MAP3K3: variants seen among roughly 807,000 people sequenced by gnomAD.
The protein encoded by MAP3K3 is mitogen-activated protein kinase kinase kinase 3, also known as MAP/ERK kinase kinase 3.
A neutral mutation model predicts 80.9 loss-of-function variants in MAP3K3; 12 were observed. That is an observed-to-expected ratio of 0.15 (90% CI 0.10 to 0.24). The LOEUF (loss-of-function observed/expected upper bound fraction) is 0.24, where lower values mean the gene tolerates loss of function less well. MAP3K3 is among the 10% of genes least tolerant of loss of function. The pLI, the probability that MAP3K3 is intolerant of heterozygous loss-of-function variation, is 1.00. For synonymous variants in MAP3K3, 272 were observed against 307.1 expected (o/e 0.89, Z 1.19); for missense variants, 596 against 834.7 (o/e 0.71, Z 3.52).
At chr17:63,645,195 C>T (rs1352235305) in intron 2 of MAP3K3, among the ~76,000 whole-genome samples, 3 of 152,078 alleles carry the variant, frequency 2.0e-5, no homozygotes, top group Admixed American at 6.5e-5. Context: ...TGATAGACCT[C>T]GGGAGGCCGA....
intron 6 of MAP3K3, among the ~76,000 whole-genome samples, chr17:63,680,069 T>C (rs1335406898): frequency 2.0e-5 from 3 of 152,194 alleles, no homozygotes; most frequent in African/African-American, 4.8e-5. Flanking sequence ...GGTACTTCCC[T>C]AGGTCTCCAG....
intron 2 of MAP3K3, chr17:63,637,239 GT>G (rs2034348760): frequency 4.8e-6 from 1 of 208,088 alleles, no homozygotes; most frequent in East Asian, 1.1e-4. Context: ...TCATAGAGTT[GT>G]TACTCATCTA....
At chr17:63,645,967 A>G (rs1323391019) in intron 2 of MAP3K3, 67 bp from the exon 3 acceptor site, 2 of 1,308,196 alleles carry the variant, frequency 1.5e-6, no homozygotes, top group Non-Finnish European at 2.2e-6. Context: ...CCCAAGGCTT[A>G]CTTGGCAATG....
At chr17:63,679,884 G>T (rs1007897443) in intron 6 of MAP3K3, among the ~76,000 whole-genome samples, 3 of 152,090 alleles carry the variant, frequency 2.0e-5, no homozygotes, top group Admixed American at 1.3e-4. Context: ...ATCTAAAACT[G>T]GTCTGGACTA....
chr17:63,676,604 C>T (rs979464029), intron 6 of MAP3K3, among the ~76,000 whole-genome samples: 7 of 152,212 alleles, frequency 4.6e-5, no homozygotes, highest in Non-Finnish European at 7.3e-5. Context: ...GGAGAACCCA[C>T]TGTAGCTAGT....
rs139987812 is a variant in MAP3K3, at chr17:63,661,091, C to T, written c.381+3184C>T. ...TTTTTTTTATTTTGAGGCACAGTTT[C>T]ACTCTGTCACCCAGGTACGATCTCA... On this transcript the variant is annotated intron_variant, in intron 5 of 15. Transcript: ENST00000361733. 5.4e-3 allele frequency among the ~76,000 whole-genome samples: 822 copies of T among 152,202 alleles called. 5 individuals are homozygous for T. The highest frequency in any genetic ancestry group is 0.018 in the African/African-American group (751 of 41,526).
chr17:63,693,810 T>C lies in MAP3K3; in HGVS notation c.*33T>C. ...CGGCCACACAGCTGCCGGTCGCCCT[T>C]TGCTGCATGGCAGGGGGCTGCTGCT... On this transcript the variant is annotated 3_prime_UTR_variant, in exon 16 of 16. Coordinates refer to ENST00000361733, the MANE Select transcript of MAP3K3 (RefSeq NM_002401.5). This position sits in a 1 kb window ranked among gnomAD's most constrained non-coding sequence, Gnocchi z 4.2. 6.4e-7 allele frequency: 1 copy of C among 1,555,374 alleles called. No homozygotes were observed. The highest frequency in any genetic ancestry group is 8.8e-7 in the Non-Finnish European group (1 of 1,139,014).
intron 6 of MAP3K3, among the ~76,000 whole-genome samples, chr17:63,679,740 G>A (rs2035292639): frequency 6.6e-6 from 1 of 152,094 alleles, no homozygotes; most frequent in Non-Finnish European, 1.5e-5. Flanking sequence ...TCGAAGTGTC[G>A]GGATAATAGG....
chr17:63,693,618 C>T lies in MAP3K3; in HGVS notation c.1722C>T (p.Ala574=), dbSNP rs754221571. ...KPPWAEYEAM[A]AIFKIATQPT... ...CGTGGGCAGAGTATGAAGCTATGGC[C>T]GCCATCTTCAAGATTGCCACCCAGC... The change falls in exon 16 of 16, where the codon GCC becomes GCT. Residue 574 remains alanine (A), a synonymous_variant. Transcript: ENST00000361733. This position sits in a 1 kb window ranked among gnomAD's most constrained non-coding sequence, Gnocchi z 4.2. 1.6e-5 allele frequency: 26 copies of T among 1,610,340 alleles called. No homozygotes were observed. In the South Asian group the frequency reaches 1.9e-4, roughly 12 times the overall value.
chr17:63,623,797 T>TAAA, intron 1 of MAP3K3, among the ~76,000 whole-genome samples: 1 of 152,342 alleles, frequency 6.6e-6, no homozygotes, highest in African/African-American at 2.4e-5. Context: ...AATAAAAGGG[T>TAAA]AAACTTCAGT....
intron 1 of MAP3K3, 116 bp from the exon 2 acceptor site, chr17:63,632,565 C>T: frequency 8.7e-7 from 1 of 1,146,920 alleles, no homozygotes; most frequent in Non-Finnish European, 1.3e-6. Context: ...ATTATAGTTA[C>T]AGGGTCTGTC....
intron 4 of MAP3K3, among the ~76,000 whole-genome samples, chr17:63,655,488 G>GTTTTGT (rs1337318273): frequency 1.3e-5 from 2 of 152,138 alleles, no homozygotes; most frequent in Admixed American, 6.6e-5. Context: ...GTCACTGTGA[G>GTTTTGT]TTTTGTTTTT....
Position 63,652,577 on chromosome 17 carries a change from C to G in MAP3K3, c.188C>G (p.Pro63Arg). The G allele has an allele frequency of 1.2e-6, 2 of 1,613,686 alleles. No homozygotes were observed. Among genetic ancestry groups the G allele is most frequent in the Non-Finnish European group, 1.7e-6 (2 of 1,179,594 alleles). Reference sequence around the variant, plus strand: ...TTCAGAATTATAGCGTTCAGCCGGCCTGTGAAATATGAAGATGTGGAGCAC... The same window carrying G: ...TTCAGAATTATAGCGTTCAGCCGGCGTGTGAAATATGAAGATGTGGAGCAC... ...GERRIIAFSRPVKYEDVEHKV... is the reference protein window; with the variant it reads ...GERRIIAFSRRVKYEDVEHKV... The change falls in exon 4 of 16, where the codon CCT becomes CGT. Residue 63 changes from proline to arginine, a missense_variant. Transcript: ENST00000361733.
At chr17:63,635,527 ATTC>A (rs769028000) in intron 2 of MAP3K3, among the ~76,000 whole-genome samples, 2 of 152,370 alleles carry the variant, frequency 1.3e-5, no homozygotes, top group East Asian at 3.9e-4. Flanking sequence ...CAAGAGGGAT[ATTC>A]TTCAGCAAAA....
rs759233191 is a variant in MAP3K3 at position 63,655,238 on chromosome 17, G to A, written c.268-2556G>A. Among the ~76,000 whole-genome samples the A allele has an allele frequency of 9.7e-4, 148 of 152,076 alleles. 1 individual carries two copies. The highest frequency in any genetic ancestry group is 1.1e-3 in the Non-Finnish European group (74 of 67,992). On this transcript the variant is annotated intron_variant, in intron 4 of 15. Transcript: ENST00000361733. ...GCCTCCTATAAAACCATCAGATCTC[G>A]TGAGAACTCACTCACTATCAGGAGA...
intron 2 of MAP3K3, among the ~76,000 whole-genome samples, chr17:63,635,357 G>A (rs180863690): frequency 1.5e-3 from 226 of 152,314 alleles, no homozygotes; most frequent in Non-Finnish European, 2.7e-3. Flanking sequence ...AGAATGTGAA[G>A]ATGTGGAACT....
intron 3 of MAP3K3, among the ~76,000 whole-genome samples, chr17:63,649,716 A>C (rs1187456401): frequency 6.6e-6 from 1 of 152,178 alleles, no homozygotes; most frequent in Non-Finnish European, 1.5e-5. Flanking sequence ...TCAGGAACCA[A>C]TTTTCAGTTT....
chr17:63,629,086 TTCATATTCCTAAC>T (rs2034165049), intron 1 of MAP3K3, among the ~76,000 whole-genome samples: 1 of 152,160 alleles, frequency 6.6e-6, no homozygotes, highest in Non-Finnish European at 1.5e-5. Flanking sequence ...GACTCTGAAG[TTCATATTCCTAAC>T]TGCTTCAGTC....
intron 7 of MAP3K3, 65 bp downstream of exon 7, chr17:63,681,964 G>T: frequency 7.7e-7 from 1 of 1,295,428 alleles, no homozygotes; most frequent in Non-Finnish European, 1.0e-6. Flanking sequence ...ATAACAAGGG[G>T]TTCTTAGTAG....
Sources: gnomAD v4.1 joint callset for allele counts (sites outside exome capture counted in the v4.1 genomes callset) on GRCh38, gnomAD v4.1.1 for gene constraint, Gnocchi (gnomAD v3.1) non-coding constraint, MANE v1.5 for transcripts, NCBI Gene and HGNC (gene_info 2026-07-23, HGNC 2026-07-21) for gene names.